The following SLC14A2 variants were observed in gnomAD, a reference collection of about 807,000 sequenced individuals.
SLC14A2 encodes the protein solute carrier family 14 member 2.
A neutral mutation model predicts 104.6 loss-of-function variants in SLC14A2; 91 were observed. The observed-to-expected ratio is 0.87, with a 90% confidence interval of 0.73 to 1.04. SLC14A2 has a LOEUF of 1.04. Among genes scored for constraint, SLC14A2 ranks in the 50% least tolerant of loss-of-function variants. The pLI, the probability that SLC14A2 is intolerant of heterozygous loss-of-function variation, is 0.00. For synonymous variants in SLC14A2, 476 were observed against 466.4 expected (o/e 1.02, Z -0.27); for missense variants, 1,189 against 1,156.0 (o/e 1.03, Z -0.41).
chr18:45,232,091 A>G (rs1300241507), intron 1 of SLC14A2, among the ~76,000 whole-genome samples: 1 of 152,126 alleles, frequency 6.6e-6, no homozygotes, highest in Non-Finnish European at 1.5e-5. Context: ...CTATGGGAGC[A>G]GAAAGGGAAG....
At chr18:45,270,135 G>A (rs1346993942) in intron 1 of SLC14A2, among the ~76,000 whole-genome samples, 1 of 152,020 alleles carries the variant, frequency 6.6e-6, no homozygotes, top group East Asian at 1.9e-4. Flanking sequence ...CAACGTCAAA[G>A]CCTAAACCAT....
the SLC14A2 span, among the ~76,000 whole-genome samples, chr18:45,203,300 G>C: frequency 1.3e-5 from 2 of 152,088 alleles, no homozygotes; most frequent in African/African-American, 4.8e-5. Flanking sequence ...ACCTGAGAAG[G>C]ACTCCACATT....
At chr18:45,637,364 T>C (rs535621721) in intron 6 of SLC14A2, among the ~76,000 whole-genome samples, 182 bp downstream of exon 6, 5 of 152,340 alleles carry the variant, frequency 3.3e-5, no homozygotes, top group South Asian at 2.1e-4. Context: ...ACAGTACTTA[T>C]TGAGCATGTA....
chr18:45,506,938 G>C (rs1327905038), intron 2 of SLC14A2, among the ~76,000 whole-genome samples: 1 of 152,136 alleles, frequency 6.6e-6, no homozygotes, highest in Admixed American at 6.5e-5. Context: ...AGGGGAACCT[G>C]ACTTACCCCC....
intron 1 of SLC14A2, among the ~76,000 whole-genome samples, chr18:45,465,831 G>A (rs182043646): frequency 5.9e-5 from 9 of 152,150 alleles, no homozygotes; most frequent in South Asian, 4.2e-4. Context: ...GCATGGATGC[G>A]TTGGAAACCA....
intron 1 of SLC14A2, among the ~76,000 whole-genome samples, chr18:45,409,144 C>T (rs1217118175): frequency 6.6e-6 from 1 of 152,198 alleles, no homozygotes; most frequent in Non-Finnish European, 1.5e-5. Context: ...GCTTTCTACT[C>T]TGCTGCTAGA....
intron 1 of SLC14A2, among the ~76,000 whole-genome samples, chr18:45,418,514 A>G (rs2086302885): frequency 6.6e-6 from 1 of 152,220 alleles, no homozygotes; most frequent in Non-Finnish European, 1.5e-5. Context: ...AGAGTCTGAG[A>G]AAAGCCAGCA....
chr18:45,335,427 G>A (rs1239374223), intron 1 of SLC14A2, among the ~76,000 whole-genome samples: 1 of 152,218 alleles, frequency 6.6e-6, no homozygotes, highest in Non-Finnish European at 1.5e-5. Flanking sequence ...TTGATTGACT[G>A]CAGTAGAGGA....
At chr18:45,311,238 C>T (rs1201385498) in intron 1 of SLC14A2, among the ~76,000 whole-genome samples, 1 of 152,206 alleles carries the variant, frequency 6.6e-6, no homozygotes, top group African/African-American at 2.4e-5. Flanking sequence ...TGGTAGGGAG[C>T]TTTGAATGCT....
At chr18:45,216,784 T>A (rs1599580477) in intron 1 of SLC14A2, among the ~76,000 whole-genome samples, 1 of 152,218 alleles carries the variant, frequency 6.6e-6, no homozygotes, top group East Asian at 1.9e-4. Context: ...TTCGGTCAAC[T>A]TATTTCCCAC....
intron 1 of SLC14A2, among the ~76,000 whole-genome samples, chr18:45,323,812 C>T (rs995873162): frequency 6.6e-6 from 1 of 152,192 alleles, no homozygotes; most frequent in Non-Finnish European, 1.5e-5. Flanking sequence ...CCCTGCCTTC[C>T]ACCTCCCAAG....
chr18:45,391,770 GTTGT>G (rs1367353988), intron 1 of SLC14A2, among the ~76,000 whole-genome samples: 6 of 152,152 alleles, frequency 3.9e-5, no homozygotes, highest in Non-Finnish European at 4.4e-5. Context: ...TTTTGATGGG[GTTGT>G]TTGTTTATTT....
chr18:45,412,986 A>G (rs1490787605), intron 1 of SLC14A2, among the ~76,000 whole-genome samples: 8 of 152,198 alleles, frequency 5.3e-5, no homozygotes. Flanking sequence ...GTTTTCAAAG[A>G]ATCTGGTTTC....
chr18:45,621,939 G>T (rs1014021995), intron 1 of SLC14A2, among the ~76,000 whole-genome samples: 1 of 152,126 alleles, frequency 6.6e-6, no homozygotes, highest in Admixed American at 6.5e-5. Context: ...AGGCCCTGAG[G>T]TGGAAAGTGT....
intron 1 of SLC14A2, among the ~76,000 whole-genome samples, chr18:45,324,923 G>A (rs974109007): frequency 6.6e-6 from 1 of 152,108 alleles, no homozygotes; most frequent in Non-Finnish European, 1.5e-5. Context: ...CATCCTGGGG[G>A]AATTGTTGGC....
intron 1 of SLC14A2, among the ~76,000 whole-genome samples, chr18:45,259,892 G>A (rs1341180384): frequency 6.6e-6 from 1 of 152,150 alleles, no homozygotes; most frequent in Non-Finnish European, 1.5e-5. Flanking sequence ...AAAAATAACG[G>A]TAGAGCACAA....
chr18:45,392,741 G>T (rs1377961571), intron 1 of SLC14A2, among the ~76,000 whole-genome samples: 1 of 152,114 alleles, frequency 6.6e-6, no homozygotes, highest in South Asian at 2.1e-4. Flanking sequence ...TCTTTAAATT[G>T]TTGGAATTAA....
chr18:45,413,267 C>A (rs1425534532), intron 1 of SLC14A2, among the ~76,000 whole-genome samples: 2 of 152,112 alleles, frequency 1.3e-5, no homozygotes, highest in African/African-American at 2.4e-5. Context: ...TGCGGAGAAT[C>A]TCCTCCCTTT....
chr18:45,446,465 C>A (rs2086771738), intron 1 of SLC14A2, among the ~76,000 whole-genome samples: 2 of 152,192 alleles, frequency 1.3e-5, no homozygotes, highest in Non-Finnish European at 2.9e-5. Context: ...TCACCAAAGA[C>A]CCAACAATGC....
Sources: gnomAD v4.1 joint callset for allele counts (sites outside exome capture counted in the v4.1 genomes callset) on GRCh38, gnomAD v4.1.1 for gene constraint, MANE v1.5 for transcripts, NCBI Gene and HGNC (gene_info 2026-07-23, HGNC 2026-07-21) for gene names.